Variants in TASP1 observed in about 807,000 individuals in gnomAD.
TASP1 encodes the protein taspase 1, also known as threonine aspartase 1.
A neutral mutation model predicts 56.6 loss-of-function variants in TASP1; 16 were observed. That is an observed-to-expected ratio of 0.28 (90% CI 0.19 to 0.43). The LOEUF (loss-of-function observed/expected upper bound fraction) is 0.43, where lower values mean the gene tolerates loss of function less well. Among genes scored for constraint, TASP1 ranks in the 20% least tolerant of loss-of-function variants. The pLI is 1.00. For missense variants in TASP1, 393 were observed against 511.6 expected (o/e 0.77, Z 2.24); for synonymous variants, 179 against 184.2 (o/e 0.97, Z 0.23).
At chr20:13,470,514 T>C (rs760657306) in intron 11 of TASP1, among the ~76,000 whole-genome samples, 2 of 152,172 alleles carry the variant, frequency 1.3e-5, no homozygotes, top group Non-Finnish European at 2.9e-5. Flanking sequence ...TCTATACACT[T>C]AAAAATGTTC....
the TASP1 span, among the ~76,000 whole-genome samples, chr20:13,319,051 C>A: frequency 6.6e-6 from 1 of 152,154 alleles, no homozygotes; most frequent in African/African-American, 2.4e-5. Flanking sequence ...GTAGGTTCAT[C>A]AGTTGTAACA....
the TASP1 span, among the ~76,000 whole-genome samples, chr20:13,356,099 T>C: frequency 6.6e-6 from 1 of 152,224 alleles, no homozygotes; most frequent in Admixed American, 6.5e-5. Context: ...GCTAAGGTTT[T>C]GTCTAGTAAA....
intron 12 of TASP1, among the ~76,000 whole-genome samples, chr20:13,433,841 T>TAAAAAAAAAAAAAAAAAAAAAA (rs111973613): frequency 8.6e-6 from 1 of 116,188 alleles, no homozygotes; most frequent in African/African-American, 3.4e-5. Flanking sequence ...GTGTTTGTAT[T>TAAAAAAAAAAAAAAAAAAAAAA]AAAAAAAAAA....
intron 10 of TASP1, among the ~76,000 whole-genome samples, chr20:13,526,469 A>G (rs571494414): frequency 2.3e-4 from 35 of 152,210 alleles, no homozygotes; most frequent in Non-Finnish European, 2.8e-4. Flanking sequence ...CCTAATTTGT[A>G]AACATTATGC....
chr20:13,391,145 G>A (rs548369253), intron 13 of TASP1, among the ~76,000 whole-genome samples: 2 of 152,114 alleles, frequency 1.3e-5, no homozygotes, highest in Non-Finnish European at 2.9e-5. Context: ...GCTTGGATGA[G>A]AACAATTGTT....
the TASP1 span, among the ~76,000 whole-genome samples, chr20:13,227,083 T>C: frequency 6.6e-6 from 1 of 152,370 alleles, no homozygotes; most frequent in Admixed American, 6.5e-5. Flanking sequence ...TTGTCTTGAA[T>C]ACTTTTTTGT....
At chr20:13,185,090 G>T in the TASP1 span, among the ~76,000 whole-genome samples, 16 of 151,620 alleles carry the variant, frequency 1.1e-4, no homozygotes, top group African/African-American at 3.9e-4. Flanking sequence ...AAATAAATGG[G>T]CAAAAGACAT....
At chr20:13,221,783 C>T in the TASP1 span, 13 of 1,448,642 alleles carry the variant, frequency 9.0e-6, no homozygotes, top group Non-Finnish European at 1.2e-5. Flanking sequence ...AAGGATGGTG[C>T]GCCTGGCGGC....
the TASP1 span, among the ~76,000 whole-genome samples, chr20:13,263,834 G>C: frequency 3.3e-5 from 5 of 152,214 alleles, no homozygotes; most frequent in Admixed American, 2.6e-4. Context: ...TATATTGTTA[G>C]TTTGTTTTAA....
At chr20:13,340,141 G>A in the TASP1 span, among the ~76,000 whole-genome samples, 1 of 152,158 alleles carries the variant, frequency 6.6e-6, no homozygotes, top group African/African-American at 2.4e-5. Flanking sequence ...GGGAAAAACA[G>A]GAACAAACAC....
At chr20:13,351,562 T>G in the TASP1 span, among the ~76,000 whole-genome samples, 1 of 152,198 alleles carries the variant, frequency 6.6e-6, no homozygotes, top group South Asian at 2.1e-4. Context: ...ATGATTCCAT[T>G]TATACAACGT....
At chr20:13,577,032 G>C (rs1456813166) in intron 6 of TASP1, among the ~76,000 whole-genome samples, 5 of 152,066 alleles carry the variant, frequency 3.3e-5, no homozygotes. Flanking sequence ...AAGAAAATTA[G>C]AGTATTGTAT....
chr20:13,198,136 T>G, the TASP1 span, among the ~76,000 whole-genome samples: 2 of 152,218 alleles, frequency 1.3e-5, no homozygotes, highest in African/African-American at 4.8e-5. Context: ...ACAAATGTTT[T>G]GGAATATCTA....
chr20:13,434,965 G>A (rs2042951386), intron 12 of TASP1, 79 bp downstream of exon 12: 1 of 1,000,964 alleles, frequency 1.0e-6, no homozygotes, highest in African/African-American at 1.6e-5. Flanking sequence ...TAAAATTATT[G>A]ACTTAAGGGT....
the TASP1 span, among the ~76,000 whole-genome samples, chr20:13,233,006 G>T: frequency 6.7e-6 from 1 of 148,688 alleles, no homozygotes; most frequent in East Asian, 2.0e-4. Flanking sequence ...GTTGTGAAAA[G>T]AAAATTCGAT....
At chr20:13,521,643 A>AG (rs2044760993) in intron 10 of TASP1, among the ~76,000 whole-genome samples, 1 of 62,688 alleles carries the variant, frequency 1.6e-5, no homozygotes, top group African/African-American at 6.2e-5. Context: ...GGGGTGGGGG[A>AG]GGGGGGAGGG....
At chr20:13,551,413 TAAAGAA>T (rs1344585729) in intron 8 of TASP1, among the ~76,000 whole-genome samples, 4 of 151,816 alleles carry the variant, frequency 2.6e-5, no homozygotes, top group Non-Finnish European at 5.9e-5. Flanking sequence ...AATCTGTTAT[TAAAGAA>T]AAAGAGATGG....
the TASP1 span, among the ~76,000 whole-genome samples, chr20:13,217,004 G>C: frequency 1.5e-3 from 235 of 152,252 alleles, 1 homozygote; most frequent in African/African-American, 5.5e-3. Flanking sequence ...AGGTTTTGGG[G>C]AACACAGAAC....
the TASP1 span, among the ~76,000 whole-genome samples, chr20:13,224,454 ATTCT>A: frequency 3.9e-5 from 6 of 152,224 alleles, no homozygotes; most frequent in Admixed American, 1.3e-4. Context: ...TGGACACTGT[ATTCT>A]TTCTTTTTAC....
Sources: gnomAD v4.1 joint callset for allele counts (sites outside exome capture counted in the v4.1 genomes callset) on GRCh38, gnomAD v4.1.1 for gene constraint, MANE v1.5 for transcripts, NCBI Gene and HGNC (gene_info 2026-07-23, HGNC 2026-07-21) for gene names.